FBXO28: variants seen among roughly 807,000 people sequenced by gnomAD.
FBXO28 encodes the protein F-box protein 28, also known as F-box only protein 28.
In FBXO28, 8 loss-of-function variants were observed where a neutral mutation model predicts 38.1. That is an observed-to-expected ratio of 0.21 (90% confidence interval 0.12 to 0.38). FBXO28 has a LOEUF of 0.38. Among genes scored for constraint, FBXO28 ranks in the 10% least tolerant of loss-of-function variants. The pLI, the probability that FBXO28 is intolerant of heterozygous loss-of-function variation, is 1.00. For synonymous variants in FBXO28, 168 were observed against 173.8 expected (o/e 0.97, Z 0.26); for missense variants, 345 against 460.6 (o/e 0.75, Z 2.30).
Position 224,157,211 on chromosome 1 carries a change from C to T in FBXO28, c.713-141C>T, listed in dbSNP as rs948101721. ...TAAGGTGTTAAATTATGATGATTAA[C>T]CCAACTGACCAAATGGATTGCAAAG... On this transcript the variant is annotated intron_variant, in intron 4 of 4. Transcript: ENST00000366862. The T allele has an allele frequency of 9.9e-6, 10 of 1,005,366 alleles. No individual in the cohort carries two copies. In the African/African-American group the frequency reaches 1.3e-4, roughly 13 times the overall value. The allele number at this position is 1,005,366 out of a possible 1,614,324, so 62.3% of individuals were successfully genotyped here.
chr1:224,124,539 T>G (rs557344087), intron 1 of FBXO28, among the ~76,000 whole-genome samples: 31 of 152,336 alleles, frequency 2.0e-4, no homozygotes, highest in African/African-American at 7.5e-4. Context: ...CCCTTTAGCT[T>G]TGGGAAATTA....
chr1:224,153,009 C>G (rs545608014), intron 3 of FBXO28, 133 bp from the exon 4 acceptor site: 4 of 570,154 alleles, frequency 7.0e-6, no homozygotes, highest in Non-Finnish European at 1.2e-5. Flanking sequence ...CATCAGTGGC[C>G]AGTACATCAC....
At chr1:224,147,420 C>CAAAA (rs11405030) in intron 3 of FBXO28, among the ~76,000 whole-genome samples, 1 of 139,148 alleles carries the variant, frequency 7.2e-6, no homozygotes. Context: ...GAGACTGTGT[C>CAAAA]AAAAAAAAAA....
At chr1:224,122,813 G>A (rs946285440) in intron 1 of FBXO28, among the ~76,000 whole-genome samples, 1 of 152,284 alleles carries the variant, frequency 6.6e-6, no homozygotes, top group Admixed American at 6.5e-5. Context: ...GAGAATGCCT[G>A]TTAATGTCCT....
rs527661916 is a variant in FBXO28, at chr1:224,152,367, A to C, written c.517-775A>C. 7.2e-5 allele frequency among the ~76,000 whole-genome samples: 11 copies of C among 152,326 alleles called. No individual in the cohort carries two copies. In the South Asian group the frequency reaches 2.3e-3, roughly 32 times the overall value. ...AAATCAGGCTGAGTCCCTGCAGCTT[A>C]GGGGAACAGATTCAGGTTTGGAGGA... On this transcript the variant is annotated intron_variant, in intron 3 of 4. Coordinates refer to ENST00000366862, the MANE Select transcript of FBXO28 (RefSeq NM_015176.4).
chr1:224,142,840 G>T (rs565585538), intron 3 of FBXO28, among the ~76,000 whole-genome samples: 1 of 152,110 alleles, frequency 6.6e-6, no homozygotes, highest in Non-Finnish European at 1.5e-5. Flanking sequence ...CAGCCACTCG[G>T]GAGGCTGAGG....
intron 1 of FBXO28, among the ~76,000 whole-genome samples, chr1:224,126,602 G>A (rs1452697797): frequency 6.6e-6 from 1 of 152,138 alleles, no homozygotes; most frequent in African/African-American, 2.4e-5. Context: ...ATCACTTGAG[G>A]TCAGGAGTTC....
intron 2 of FBXO28, among the ~76,000 whole-genome samples, chr1:224,133,070 G>A (rs116023014): frequency 2.2e-3 from 341 of 152,282 alleles, no homozygotes; most frequent in African/African-American, 7.7e-3. Context: ...AAAGGTACAT[G>A]CTACAACAAG....
intron 1 of FBXO28, among the ~76,000 whole-genome samples, chr1:224,119,088 T>C (rs1444747899): frequency 6.6e-6 from 1 of 152,084 alleles, no homozygotes; most frequent in African/African-American, 2.4e-5. Flanking sequence ...CTGCTCTGTA[T>C]TGCTCTATTC....
At chr1:224,138,643 A>G (rs1359379106) in intron 3 of FBXO28, among the ~76,000 whole-genome samples, 1 of 151,890 alleles carries the variant, frequency 6.6e-6, no homozygotes, top group Non-Finnish European at 1.5e-5. Context: ...ACTGACACAC[A>G]ACCGTATGTG....
At chr1:224,121,859 T>C (rs1656786943) in intron 1 of FBXO28, among the ~76,000 whole-genome samples, 1 of 152,090 alleles carries the variant, frequency 6.6e-6, no homozygotes, top group African/African-American at 2.4e-5. Flanking sequence ...CATTGCCACC[T>C]CTGCCTCCTG....
At chr1:224,146,966 A>C (rs1657523755) in intron 3 of FBXO28, among the ~76,000 whole-genome samples, 1 of 151,384 alleles carries the variant, frequency 6.6e-6, no homozygotes, top group African/African-American at 2.4e-5. Flanking sequence ...TTGGCCTCCC[A>C]AAGTGCTGGG....
intron 1 of FBXO28, among the ~76,000 whole-genome samples, chr1:224,121,814 C>T (rs932506606): frequency 1.3e-5 from 2 of 151,958 alleles, no homozygotes; most frequent in Admixed American, 6.6e-5. Flanking sequence ...CTCGCTCTGT[C>T]GCCCAGGCTG....
intron 1 of FBXO28, among the ~76,000 whole-genome samples, chr1:224,117,222 A>G (rs1219505261): frequency 7.6e-6 from 1 of 131,488 alleles, no homozygotes; most frequent in Non-Finnish European, 1.5e-5. Flanking sequence ...GCTGGAGTGC[A>G]GTGGTGCCAT....
chr1:224,135,872 T>C (rs955828203), intron 3 of FBXO28, among the ~76,000 whole-genome samples: 2 of 151,742 alleles, frequency 1.3e-5, no homozygotes, highest in Non-Finnish European at 2.9e-5. Flanking sequence ...CTGTCTCTAC[T>C]AAAAATACGA....
intron 1 of FBXO28, among the ~76,000 whole-genome samples, chr1:224,128,712 C>A (rs996638565): frequency 6.6e-6 from 1 of 152,118 alleles, no homozygotes; most frequent in African/African-American, 2.4e-5. Flanking sequence ...TCTGGCTGGG[C>A]ATGGTGGCTC....
In FBXO28 at chr1:224,158,312, A is replaced by G; in HGVS notation, c.*566A>G. 5.6e-6 allele frequency: 4 copies of G among 711,746 alleles called. No homozygotes were observed. Among genetic ancestry groups the G allele is most frequent in the Non-Finnish European group, 6.9e-6 (4 of 580,146 alleles). 44.1% of individuals were successfully genotyped at this position (711,746 alleles called of 1,614,324 possible). On this transcript the variant is annotated 3_prime_UTR_variant, in exon 5 of 5. Transcript: ENST00000366862. ...TGACTGTAGAAGGAGCCTCTACAAT[A>G]TTGACTATATATTTTTATAAACTAC...
intron 4 of FBXO28, among the ~76,000 whole-genome samples, chr1:224,154,499 T>C (rs1187350785): frequency 1.3e-5 from 2 of 150,662 alleles, no homozygotes; most frequent in Non-Finnish European, 3.0e-5. Flanking sequence ...GGTAAAACCG[T>C]GTCTCTACTA....
At chr1:224,126,214 T>G (rs1436017215) in intron 1 of FBXO28, among the ~76,000 whole-genome samples, 2 of 3,560 alleles carry the variant, frequency 5.6e-4, no homozygotes, top group Admixed American at 0.013. Flanking sequence ...AGTACTTAAA[T>G]ACTACACTAG....
Sources: gnomAD v4.1 joint callset for allele counts (sites outside exome capture counted in the v4.1 genomes callset) on GRCh38, gnomAD v4.1.1 for gene constraint, MANE v1.5 for transcripts, NCBI Gene and HGNC (gene_info 2026-07-23, HGNC 2026-07-21) for gene names.